DYNC1H1: variants seen among roughly 807,000 people sequenced by gnomAD.
The protein encoded by DYNC1H1 is cytoplasmic dynein 1 heavy chain 1.
In DYNC1H1, 51 loss-of-function variants were observed where a neutral mutation model predicts 527.1. The ratio of observed to expected loss-of-function variants is 0.10; its 90% confidence interval spans 0.08 to 0.12. The LOEUF (loss-of-function observed/expected upper bound fraction) is 0.12. DYNC1H1 is among the 10% of genes least tolerant of loss of function. DYNC1H1 has a pLI of 1.00. For missense variants in DYNC1H1, 2,771 were observed against 5,971.8 expected, an observed-to-expected ratio of 0.46 and a Z score of 17.66; for synonymous variants, 2,189 against 2,278.8, an observed-to-expected ratio of 0.96 and a Z score of 1.12.
intron 28 of DYNC1H1, 126 bp downstream of exon 28, chr14:102,007,234 G>A (rs2141290506): frequency 1.8e-5 from 16 of 889,842 alleles, no homozygotes; most frequent in Non-Finnish European, 2.9e-5. Context: ...ATGGCCTCCT[G>A]AGTCCTGTAG....
chr14:102,046,031 G>A (rs2152598795), intron 72 of DYNC1H1, among the ~76,000 whole-genome samples: 1 of 152,238 alleles, frequency 6.6e-6, no homozygotes, highest in South Asian at 2.1e-4. Context: ...AGCCGGGTGT[G>A]GTGGCGGGCA....
Position 102,018,706 on chromosome 14 carries a change from AT to A in DYNC1H1, c.8343+91del. 2.6e-6 allele frequency: 4 copies of A among 1,536,974 alleles called. No homozygotes were observed. The highest frequency in any genetic ancestry group is 3.5e-6 in the Non-Finnish European group (4 of 1,139,258). On this transcript the variant is annotated intron_variant, in intron 41 of 77. Coordinates refer to ENST00000360184, the MANE Select transcript of DYNC1H1 (RefSeq NM_001376.5). This position sits in a 1 kb window ranked among gnomAD's most constrained non-coding sequence, Gnocchi z 5.2. ...TCAGGTGTGGTGGTTCACACCTGTAATCCCAGCATTTTGGGAGGCCAAGGTG... is the reference window on the plus strand; with the variant it reads ...TCAGGTGTGGTGGTTCACACCTGTAACCCAGCATTTTGGGAGGCCAAGGTG...
intron 72 of DYNC1H1, among the ~76,000 whole-genome samples, chr14:102,045,590 A>G (rs1044419012): frequency 6.6e-6 from 1 of 152,078 alleles, no homozygotes; most frequent in African/African-American, 2.4e-5. Flanking sequence ...CAGCTTGGGC[A>G]ACAGAACAAG....
At position 102,012,776 on chromosome 14, in the gene DYNC1H1, C is replaced by T; in HGVS notation, c.7014+306C>T. On this transcript the variant is annotated intron_variant, in intron 34 of 77. Coordinates refer to ENST00000360184, the MANE Select transcript of DYNC1H1 (RefSeq NM_001376.5). This position sits in a 1 kb window ranked among gnomAD's most constrained non-coding sequence, Gnocchi z 4.9. ...CGTTAAGGTTTCTTAAGCTGTTATA[C>T]ATCTAGAGAGCTGGGAAAATGAGAA... is the stretch of plus-strand genomic sequence containing the variant. 2.4e-6 allele frequency: 1 copy of T among 412,016 alleles called. No individual in the cohort carries two copies. The highest frequency in any genetic ancestry group is 4.5e-6 in the Non-Finnish European group (1 of 220,398). 25.5% of individuals were successfully genotyped at this position (412,016 alleles called of 1,614,324 possible). A position where few individuals can be genotyped will look rare whatever the true frequency, so the allele number is the denominator to read the frequency against.
At chr14:101,976,522 A>G (rs1353654822) in intron 2 of DYNC1H1, among the ~76,000 whole-genome samples, 1 of 151,970 alleles carries the variant, frequency 6.6e-6, no homozygotes, top group African/African-American at 2.4e-5. Context: ...AGCCTTGGCA[A>G]CAAGAGCGAA....
chr14:102,020,584 T>C lies in DYNC1H1; in HGVS notation c.8507+528T>C, dbSNP rs886990370. Reference sequence around the variant, plus strand: ...TGCAGCTGCAGCTCTGGGGCACTGGTTTTCTCTTTTACCTGTTGCCCACTT... The same window carrying C: ...TGCAGCTGCAGCTCTGGGGCACTGGCTTTCTCTTTTACCTGTTGCCCACTT... On this transcript the variant is annotated intron_variant, in intron 42 of 77. Transcript: ENST00000360184. This position sits in a 1 kb window ranked among gnomAD's most constrained non-coding sequence, Gnocchi z 4.3. 6.6e-6 allele frequency among the ~76,000 whole-genome samples: 1 copy of C among 152,166 alleles called. No homozygotes were observed. The highest frequency in any genetic ancestry group is 1.5e-5 in the Non-Finnish European group (1 of 68,024).
At chr14:101,976,147 T>C (rs2047798122) in intron 2 of DYNC1H1, among the ~76,000 whole-genome samples, 1 of 150,566 alleles carries the variant, frequency 6.6e-6, no homozygotes, top group South Asian at 2.1e-4. Flanking sequence ...CCTCAGGAGA[T>C]CCACCCGCCT....
At position 102,042,222 on chromosome 14, in the gene DYNC1H1, C is replaced by T; in HGVS notation, c.12215-6C>T. Reference sequence around the variant, plus strand: ...CCGCTGCTAACACTAAGTTTCCCTGCACCAGGCTCTGCAGAAGGCTTTAAC... The same window carrying T: ...CCGCTGCTAACACTAAGTTTCCCTGTACCAGGCTCTGCAGAAGGCTTTAAC... On this transcript the variant is annotated splice_polypyrimidine_tract_variant and splice_region_variant and intron_variant, in intron 66 of 77. Transcript: ENST00000360184. This position sits in a 1 kb window ranked among gnomAD's most constrained non-coding sequence, Gnocchi z 5.7. 1 of 1,614,066 alleles carries T rather than the reference C, an allele frequency of 6.2e-7. No homozygotes were observed. The highest frequency in any genetic ancestry group is 8.5e-7 in the Non-Finnish European group (1 of 1,180,022).
At chr14:101,972,673 A>G (rs2047752987) in intron 1 of DYNC1H1, among the ~76,000 whole-genome samples, 1 of 152,096 alleles carries the variant, frequency 6.6e-6, no homozygotes, top group Non-Finnish European at 1.5e-5. Flanking sequence ...GGACTGCGCA[A>G]TTTCTGTGTG....
Position 101,979,251 on chromosome 14 carries a change from A to G in DYNC1H1, c.345-68A>G. The G allele has an allele frequency of 6.6e-7, 1 of 1,503,926 alleles. No individual in the cohort carries two copies. The highest frequency in any genetic ancestry group is 9.2e-7 in the Non-Finnish European group (1 of 1,085,654). 93.2% of individuals were successfully genotyped at this position (1,503,926 alleles called of 1,614,324 possible). On this transcript the variant is annotated intron_variant, in intron 2 of 77. Coordinates refer to ENST00000360184, the MANE Select transcript of DYNC1H1 (RefSeq NM_001376.5). This position sits in a 1 kb window ranked among gnomAD's most constrained non-coding sequence, Gnocchi z 4.6. ...CAACACTTCAGTATATTCTTGTATG[A>G]TTTTTAAATTAATAAGCCTAATTAG... is the stretch of plus-strand genomic sequence containing the variant.
chr14:102,028,967 T>A (rs2152589801), intron 48 of DYNC1H1: 1 of 167,720 alleles, frequency 6.0e-6, no homozygotes. Flanking sequence ...GTTTTGCTAA[T>A]CCTTGCTGTA....
chr14:102,022,939 A>T (rs1322573355), intron 43 of DYNC1H1, 59 bp downstream of exon 43: 1 of 1,610,546 alleles, frequency 6.2e-7, no homozygotes, highest in African/African-American at 1.3e-5. Context: ...TTCTAACACT[A>T]ACGAATTCTA....
Position 102,002,100 on chromosome 14 carries a change from G to C in DYNC1H1, c.4542+419G>C, listed in dbSNP as rs1170768786. On this transcript the variant is annotated intron_variant, in intron 21 of 77. Transcript: ENST00000360184. The surrounding 1 kb of genome is among the most constrained non-coding windows in gnomAD (Gnocchi z 4.4). ...TACTTGTTTTTTTGTTTGTTTGCTT[G>C]CTTTTTTGTTTTTTTTTTTTCTTTT... is the stretch of plus-strand genomic sequence containing the variant. 6.7e-6 allele frequency among the ~76,000 whole-genome samples: 1 copy of C among 150,308 alleles called. No individual in the cohort carries two copies. Among genetic ancestry groups the C allele is most frequent in the African/African-American group, 2.4e-5 (1 of 40,876 alleles).
chr14:101,994,473 G>GA (rs752572639), intron 12 of DYNC1H1, 149 bp downstream of exon 12: 20 of 1,377,358 alleles, frequency 1.5e-5, no homozygotes, highest in Non-Finnish European at 2.0e-5. Flanking sequence ...GAGAGTAAAT[G>GA]ATAGGATACA....
intron 2 of DYNC1H1, among the ~76,000 whole-genome samples, chr14:101,977,827 T>G (rs1383766305): frequency 6.6e-6 from 1 of 152,258 alleles, no homozygotes; most frequent in Non-Finnish European, 1.5e-5. Flanking sequence ...GTGACTTCAT[T>G]CTTTCTCAAT....
chr14:101,998,879 CT>C (rs888317854), intron 16 of DYNC1H1, among the ~76,000 whole-genome samples: 2,377 of 115,136 alleles, frequency 0.021, 17 homozygotes, highest in African/African-American at 0.056. Flanking sequence ...AAAACTTTTT[CT>C]TTTTTTTTTT....
At chr14:102,026,252 ATTACATTGAAC>A (rs2048449707) in intron 43 of DYNC1H1, among the ~76,000 whole-genome samples, 1 of 152,110 alleles carries the variant, frequency 6.6e-6, no homozygotes, top group Non-Finnish European at 1.5e-5. Context: ...TTTGACTGGG[ATTACATTGAAC>A]TTATGGATGA....
In DYNC1H1 at chr14:102,038,814, G is replaced by A. The variant is rs1477941737; in HGVS notation, c.11172G>A (p.Val3724=). Residue 3724 remains valine (V), a synonymous_variant, in exon 59 of 78, where the codon GTG becomes GTA. Coordinates refer to ENST00000360184, the MANE Select transcript of DYNC1H1 (RefSeq NM_001376.5). This position sits in a 1 kb window ranked among gnomAD's most constrained non-coding sequence, Gnocchi z 7.2. ...TACTTAAAGCAGAAAGACCTGATGTGGACGAGAAACGATCTGATCTTCTTA... is the reference window on the plus strand; with the variant it reads ...TACTTAAAGCAGAAAGACCTGATGTAGACGAGAAACGATCTGATCTTCTTA... The part of the protein sequence containing the change: ...NEVLKAERPD[V]DEKRSDLLKL... The A allele has an allele frequency of 6.2e-7, 1 of 1,614,178 alleles. No homozygotes were observed. Among genetic ancestry groups the A allele is most frequent in the South Asian group, 1.1e-5 (1 of 91,082 alleles).
At chr14:102,013,272 AG>A (rs1875988258) in intron 34 of DYNC1H1, among the ~76,000 whole-genome samples, 6 of 150,272 alleles carry the variant, frequency 4.0e-5, no homozygotes, top group Non-Finnish European at 5.9e-5. Flanking sequence ...AAAAAAAAAA[AG>A]GCAGGAAGAC....
Sources: gnomAD v4.1 joint callset for allele counts (sites outside exome capture counted in the v4.1 genomes callset) on GRCh38, gnomAD v4.1.1 for gene constraint, Gnocchi (gnomAD v3.1) non-coding constraint, MANE v1.5 for transcripts, NCBI Gene and HGNC (gene_info 2026-07-23, HGNC 2026-07-21) for gene names.